Variants in ESRRG observed in about 807,000 individuals in gnomAD.
ESRRG encodes estrogen-related receptor gamma.
A neutral mutation model predicts 44.0 loss-of-function variants in ESRRG; 13 were observed. The ratio of observed to expected loss-of-function variants is 0.30; its 90% CI spans 0.19 to 0.47. ESRRG has a LOEUF of 0.47. Among genes scored for constraint, ESRRG ranks in the 20% least tolerant of loss-of-function variants. The pLI is 1.00. For synonymous variants in ESRRG, 215 were observed against 214.6 expected (o/e 1.00, Z -0.02); for missense variants, 395 against 580.6 (o/e 0.68, Z 3.29).
intron 1 of ESRRG, among the ~76,000 whole-genome samples, chr1:217,126,900 GGATT>G (rs1357641130): frequency 2.0e-5 from 3 of 152,122 alleles, no homozygotes; most frequent in South Asian, 2.1e-4. Flanking sequence ...ATTAGACATT[GGATT>G]GATTGTTTCC....
intron 2 of ESRRG, among the ~76,000 whole-genome samples, chr1:216,926,032 C>T (rs181066939): frequency 6.6e-6 from 1 of 152,252 alleles, no homozygotes; most frequent in Non-Finnish European, 1.5e-5. Context: ...GAGAAAAAGG[C>T]CACACAAACA....
At chr1:216,610,537 A>G (rs2060506790) in intron 3 of ESRRG, among the ~76,000 whole-genome samples, 1 of 152,080 alleles carries the variant, frequency 6.6e-6, no homozygotes, top group Non-Finnish European at 1.5e-5. Flanking sequence ...TAGGAGAAAC[A>G]AGTTGCCTAA....
At chr1:216,918,647 G>A (rs989621025) in intron 2 of ESRRG, among the ~76,000 whole-genome samples, 1 of 151,726 alleles carries the variant, frequency 6.6e-6, no homozygotes, top group African/African-American at 2.4e-5. Flanking sequence ...ATGACCTAAT[G>A]GAACCTTTCC....
At chr1:216,823,223 G>C (rs528632602) in intron 2 of ESRRG, among the ~76,000 whole-genome samples, 1 of 151,918 alleles carries the variant, frequency 6.6e-6, no homozygotes, top group Non-Finnish European at 1.5e-5. Context: ...TAAGAGAAGG[G>C]AGTAAGACTG....
intron 2 of ESRRG, among the ~76,000 whole-genome samples, chr1:216,876,951 G>C (rs1410286379): frequency 2.0e-5 from 3 of 150,440 alleles, no homozygotes; most frequent in Non-Finnish European, 4.4e-5. Context: ...TTAATGTGTT[G>C]TCTGATTCGA....
At chr1:216,682,911 A>C (rs369196644) in intron 1 of ESRRG, among the ~76,000 whole-genome samples, 1 of 152,104 alleles carries the variant, frequency 6.6e-6, no homozygotes, top group South Asian at 2.1e-4. Flanking sequence ...ACTCTCGTAA[A>C]GTGGCAAAAT....
chr1:217,076,191 C>A (rs2091274868), intron 1 of ESRRG, among the ~76,000 whole-genome samples: 1 of 152,114 alleles, frequency 6.6e-6, no homozygotes, highest in African/African-American at 2.4e-5. Context: ...CTTAAAGTGC[C>A]TGTGGTTCCT....
chr1:216,951,685 A>G (rs979129853), intron 1 of ESRRG, among the ~76,000 whole-genome samples: 2 of 151,284 alleles, frequency 1.3e-5, no homozygotes, highest in African/African-American at 4.9e-5. Context: ...ACTACTATAT[A>G]GCATAATAAT....
chr1:216,552,537 T>C (rs1189029597), intron 5 of ESRRG, among the ~76,000 whole-genome samples: 1 of 152,176 alleles, frequency 6.6e-6, no homozygotes, highest in African/African-American at 2.4e-5. Context: ...TGGCCTGCGT[T>C]AGCTCATTGG....
chr1:216,967,431 T>C (rs2070681154), intron 1 of ESRRG, among the ~76,000 whole-genome samples: 1 of 152,206 alleles, frequency 6.6e-6, no homozygotes, highest in African/African-American at 2.4e-5. Context: ...GATCTTTTTT[T>C]ACTGTCTCCA....
chr1:216,977,341 TACACAC>T (rs1553749984), intron 1 of ESRRG, among the ~76,000 whole-genome samples: 2 of 144,000 alleles, frequency 1.4e-5, no homozygotes, highest in African/African-American at 2.6e-5. Context: ...GGAGGATACA[TACACAC>T]ACACACACAC....
At chr1:216,724,742 C>G (rs1444295430), upstream of ESRRG, among the ~76,000 whole-genome samples, 1 of 151,938 alleles carries the variant, frequency 6.6e-6, no homozygotes. Context: ...TTGTGTACAC[C>G]GTGTCTTTAA....
intron 1 of ESRRG, among the ~76,000 whole-genome samples, chr1:217,034,393 T>C (rs1399841206): frequency 6.6e-6 from 1 of 152,176 alleles, no homozygotes; most frequent in Non-Finnish European, 1.5e-5. Flanking sequence ...GTTTGACAGT[T>C]TGAGACACGT....
intron 1 of ESRRG, among the ~76,000 whole-genome samples, chr1:216,702,286 G>A (rs1277624290): frequency 1.3e-5 from 2 of 152,142 alleles, no homozygotes; most frequent in African/African-American, 4.8e-5. Flanking sequence ...AGTCTTATGA[G>A]AGAGGGTGAA....
intron 1 of ESRRG, among the ~76,000 whole-genome samples, chr1:216,988,380 T>C (rs2075202090): frequency 6.6e-6 from 1 of 152,222 alleles, no homozygotes; most frequent in African/African-American, 2.4e-5. Flanking sequence ...TGATCTCCCA[T>C]ACTTATCAGT....
At chr1:216,539,563 T>G (rs1160479136) in intron 5 of ESRRG, among the ~76,000 whole-genome samples, 3 of 152,148 alleles carry the variant, frequency 2.0e-5, no homozygotes, top group South Asian at 4.1e-4. Flanking sequence ...CCTCAGGACC[T>G]TTGTATATGC....
intron 1 of ESRRG, among the ~76,000 whole-genome samples, chr1:217,127,105 C>T (rs2092902543): frequency 6.6e-6 from 1 of 152,118 alleles, no homozygotes; most frequent in Non-Finnish European, 1.5e-5. Context: ...TATCCATTTG[C>T]TTTTTGTGTT....
At chr1:216,830,274 A>G (rs1217381370) in intron 2 of ESRRG, among the ~76,000 whole-genome samples, 3 of 152,146 alleles carry the variant, frequency 2.0e-5, no homozygotes, top group African/African-American at 7.2e-5. Flanking sequence ...GCCACGGAGG[A>G]ACAATTTGGT....
chr1:216,607,019 G>A (rs1347733949), intron 3 of ESRRG, among the ~76,000 whole-genome samples: 2 of 152,134 alleles, frequency 1.3e-5, no homozygotes, highest in African/African-American at 2.4e-5. Context: ...CTTGAAAGAG[G>A]CTGTTCACAG....
Sources: gnomAD v4.1 joint callset for allele counts (sites outside exome capture counted in the v4.1 genomes callset) on GRCh38, gnomAD v4.1.1 for gene constraint, MANE v1.5 for transcripts, NCBI Gene and HGNC (gene_info 2026-07-23, HGNC 2026-07-21) for gene names.